ANK2: variants seen among roughly 807,000 people sequenced by gnomAD.
The protein encoded by ANK2 is ankyrin-2.
Under a neutral mutation model 360.5 loss-of-function variants are expected in ANK2, and 83 were observed. The ratio of observed to expected loss-of-function variants is 0.23; its 90% CI spans 0.19 to 0.28. ANK2 has a LOEUF of 0.28. ANK2 is among the 10% of genes least tolerant of loss of function. The probability of loss-of-function intolerance (pLI) is 1.00; values close to 1 mark genes in which losing one functional copy is unlikely to be tolerated. For synonymous variants in ANK2, 1,740 were observed against 1,759.5 expected (o/e 0.99, Z 0.28); for missense variants, 4,201 against 4,795.7 (o/e 0.88, Z 3.66).
intron 11 of ANK2, 38 bp from the exon 12 acceptor site, chr4:113,258,012 C>T (rs1388786119): frequency 9.7e-6 from 15 of 1,550,570 alleles, no homozygotes; most frequent in Non-Finnish European, 1.3e-5. Flanking sequence ...AGAATTGTTT[C>T]TGCATGTTTT....
Position 113,098,997 on chromosome 4 carries a change from G to C in ANK2, c.84+49185G>C, listed in dbSNP as rs990563028. The stretch of plus-strand genomic sequence containing the variant: ...AGAATCACAGAAAACTAGGAACTGA[G>C]GGGAACTTCCTTAACCTGATAAATA... On this transcript the variant is annotated intron_variant, in intron 1 of 45. Coordinates refer to ENST00000357077, the MANE Select transcript of ANK2 (RefSeq NM_001148.6). Among the ~76,000 whole-genome samples the C allele has an allele frequency of 2.6e-5, 4 of 151,850 alleles. No individual in the cohort carries two copies. In the South Asian group the frequency reaches 8.3e-4, roughly 31 times the overall value.
chr4:112,930,448 C>CAA (rs11427035), intron 2 of ANK2, among the ~76,000 whole-genome samples: 51 of 122,346 alleles, frequency 4.2e-4, no homozygotes, highest in Admixed American at 9.1e-4. Context: ...GACCCTGTCT[C>CAA]AAAAAAAAAA....
chr4:112,732,545 G>C, the ANK2 span, among the ~76,000 whole-genome samples: 1 of 152,120 alleles, frequency 6.6e-6, no homozygotes, highest in Non-Finnish European at 1.5e-5. Flanking sequence ...AGCCAGAGTA[G>C]GGATTTTTAA....
At chr4:112,865,667 T>A (rs2070235386) in intron 1 of ANK2, among the ~76,000 whole-genome samples, 1 of 152,212 alleles carries the variant, frequency 6.6e-6, no homozygotes, top group Non-Finnish European at 1.5e-5. Flanking sequence ...TTATAAAAGA[T>A]GTGCTGATAG....
At chr4:112,944,678 G>A (rs1217043203) in intron 2 of ANK2, among the ~76,000 whole-genome samples, 1 of 152,044 alleles carries the variant, frequency 6.6e-6, no homozygotes, top group Non-Finnish European at 1.5e-5. Flanking sequence ...GTGATTCCAG[G>A]GTTAAAGTTT....
intron 2 of ANK2, among the ~76,000 whole-genome samples, chr4:112,938,909 AACAGTACCTGCC>A (rs2154244491): frequency 6.6e-6 from 1 of 152,340 alleles, no homozygotes; most frequent in South Asian, 2.1e-4. Flanking sequence ...CAGAATCTAG[AACAGTACCTGCC>A]ACATAGCAGG....
chr4:113,272,428 C>T (rs1344806708), intron 14 of ANK2, among the ~76,000 whole-genome samples: 4 of 152,196 alleles, frequency 2.6e-5, no homozygotes, highest in Admixed American at 1.3e-4. Context: ...TTTAAATTAA[C>T]ATTACCCTTA....
intron 41 of ANK2, among the ~76,000 whole-genome samples, chr4:113,365,582 C>A (rs180946315): frequency 6.6e-6 from 1 of 152,046 alleles, no homozygotes; most frequent in Non-Finnish European, 1.5e-5. Context: ...TTCATACCCT[C>A]GGGGACCTCC....
chr4:112,862,164 AAGTT>A (rs995398918), intron 1 of ANK2, among the ~76,000 whole-genome samples: 30 of 152,214 alleles, frequency 2.0e-4, no homozygotes, highest in African/African-American at 7.0e-4. Context: ...AGCCCAGTAA[AAGTT>A]AGTGATCACC....
At chr4:113,071,146 T>C (rs1387110749) in intron 1 of ANK2, among the ~76,000 whole-genome samples, 1 of 152,212 alleles carries the variant, frequency 6.6e-6, no homozygotes, top group Non-Finnish European at 1.5e-5. Context: ...TAATATAGAC[T>C]GCACATGATT....
chr4:112,996,058 A>G (rs1056014088), intron 2 of ANK2, among the ~76,000 whole-genome samples: 14 of 152,242 alleles, frequency 9.2e-5, no homozygotes, highest in African/African-American at 2.7e-4. Context: ...TAATAGCTCC[A>G]AATCGAAAAC....
the ANK2 span, among the ~76,000 whole-genome samples, chr4:112,706,269 C>T: frequency 2.6e-5 from 4 of 152,274 alleles, no homozygotes; most frequent in East Asian, 7.8e-4. Context: ...TCCTCGCGTC[C>T]CCCAAGGGCG....
Position 113,358,985 on chromosome 4 carries a change from G to A in ANK2, c.10367G>A (p.Gly3456Asp), listed in dbSNP as rs760279615. Residue 3456 changes from glycine (G) to aspartate (D), a missense_variant, in exon 38 of 46, where the codon GGC becomes GAC. Around this residue, in one of 4 missense-constraint regions of ANK2, gnomAD observed 2,642 missense variants for 2,714.5 expected, o/e 0.97. Transcript: ENST00000357077. ...AGCACTACATCTTCCTGCAGGGGGG[G>A]CACGAGCCCCACAAAAGAAAGTAAG... is the stretch of plus-strand genomic sequence containing the variant. ...SRSTTSSCRGGTSPTKESKEH... is the reference protein window; with the variant it reads ...SRSTTSSCRGDTSPTKESKEH... 7 of 1,614,056 alleles carry A rather than the reference G, an allele frequency of 4.3e-6. No individual in the cohort carries two copies. The highest frequency in any genetic ancestry group is 2.2e-5 in the South Asian group (2 of 91,082).
At chr4:113,048,321 T>G (rs2065456623), upstream of ANK2, among the ~76,000 whole-genome samples, 1 of 133,926 alleles carries the variant, frequency 7.5e-6, no homozygotes, top group African/African-American at 2.8e-5. Flanking sequence ...AGGCGGAGTC[T>G]TGCTCTGTCA....
At chr4:113,069,482 G>A (rs1159640929) in intron 1 of ANK2, among the ~76,000 whole-genome samples, 1 of 152,186 alleles carries the variant, frequency 6.6e-6, no homozygotes, top group Non-Finnish European at 1.5e-5. Context: ...AATCAACGAA[G>A]ATCAGCATAA....
chr4:112,739,641 CAT>C, the ANK2 span, among the ~76,000 whole-genome samples: 5 of 152,162 alleles, frequency 3.3e-5, no homozygotes, highest in South Asian at 6.2e-4. Context: ...TCTGCCCACA[CAT>C]GTTATGCTGA....
intron 2 of ANK2, among the ~76,000 whole-genome samples, chr4:112,930,817 G>A (rs1184865469): frequency 6.6e-6 from 1 of 151,768 alleles, no homozygotes; most frequent in African/African-American, 2.4e-5. Flanking sequence ...GAACCCAGGA[G>A]GCGGAGGTTG....
At chr4:113,029,565 C>A (rs1011407064) in intron 2 of ANK2, among the ~76,000 whole-genome samples, 1 of 151,958 alleles carries the variant, frequency 6.6e-6, no homozygotes, top group Non-Finnish European at 1.5e-5. Flanking sequence ...TATAAATGAA[C>A]GTGGCCGGAG....
At chr4:113,219,496 T>A (rs550792381) in intron 4 of ANK2, among the ~76,000 whole-genome samples, 4 of 152,080 alleles carry the variant, frequency 2.6e-5, no homozygotes, top group Non-Finnish European at 5.9e-5. Context: ...ATAAAAGCAT[T>A]ATACATTACA....
Sources: allele counts gnomAD v4.1 joint callset (sites outside exome capture counted in the v4.1 genomes callset), GRCh38; gene constraint gnomAD v4.1.1; regional missense constraint gnomAD v4.1.1; transcripts MANE v1.5; gene names NCBI Gene and HGNC (gene_info 2026-07-23, HGNC 2026-07-21).